The following KCNN2 variants were observed in gnomAD, a reference collection of about 807,000 sequenced individuals.
KCNN2 encodes the protein potassium calcium-activated channel subfamily N member 2.
Under a neutral mutation model 55.5 loss-of-function variants are expected in KCNN2, and 24 were observed. That is an observed-to-expected ratio of 0.43 (90% CI 0.31 to 0.61). The LOEUF (loss-of-function observed/expected upper bound fraction) is 0.61. Among genes scored for constraint, KCNN2 ranks in the 20% least tolerant of loss-of-function variants. The pLI is 0.08. For missense variants in KCNN2, 754 were observed against 853.6 expected, an observed-to-expected ratio of 0.88 and a Z score of 1.45; for synonymous variants, 431 against 336.1, an observed-to-expected ratio of 1.28 and a Z score of -3.09.
intron 1 of KCNN2, among the ~76,000 whole-genome samples, chr5:114,140,615 C>T (rs767309840): frequency 9.2e-5 from 14 of 151,882 alleles, no homozygotes; most frequent in Middle Eastern, 6.8e-3. Flanking sequence ...AAATCAAATT[C>T]TGTAAATTGA....
intron 1 of KCNN2, among the ~76,000 whole-genome samples, chr5:114,153,627 T>C (rs1024849700): frequency 4.6e-5 from 7 of 152,210 alleles, no homozygotes; most frequent in African/African-American, 1.7e-4. Context: ...AGGAGAAGCT[T>C]GAGCTTAGCA....
At chr5:114,303,884 C>G (rs1368634018) in intron 2 of KCNN2, among the ~76,000 whole-genome samples, 1 of 152,124 alleles carries the variant, frequency 6.6e-6, no homozygotes, top group Non-Finnish European at 1.5e-5. Context: ...TGATATATTT[C>G]TGACATATAG....
intron 4 of KCNN2, among the ~76,000 whole-genome samples, chr5:114,470,664 C>G (rs976278262): frequency 2.6e-5 from 4 of 152,158 alleles, no homozygotes; most frequent in Admixed American, 6.6e-5. Context: ...GCATATGGCA[C>G]AAAATATCAA....
At chr5:114,392,807 T>A (rs1029388343) in intron 2 of KCNN2, among the ~76,000 whole-genome samples, 15 of 67,560 alleles carry the variant, frequency 2.2e-4, no homozygotes, top group Non-Finnish European at 5.5e-4. Context: ...TTTTGTGGGG[T>A]TTTTTTTTTT....
intron 4 of KCNN2, among the ~76,000 whole-genome samples, chr5:114,464,543 C>T (rs1399203912): frequency 6.6e-6 from 1 of 152,090 alleles, no homozygotes; most frequent in Non-Finnish European, 1.5e-5. Flanking sequence ...CAGAAGCTGC[C>T]TGGGAAGACT....
At chr5:114,339,840 A>AATAC (rs1202106285) in intron 2 of KCNN2, among the ~76,000 whole-genome samples, 1 of 151,886 alleles carries the variant, frequency 6.6e-6, no homozygotes, top group Non-Finnish European at 1.5e-5. Flanking sequence ...TAAATAAATA[A>AATAC]ATAAATAAAA....
At chr5:114,220,825 CA>C (rs11311434) in intron 1 of KCNN2, among the ~76,000 whole-genome samples, 29,419 of 91,824 alleles carry the variant, frequency 0.32, 2,080 homozygotes, top group East Asian at 0.46. Context: ...GACTCCATCT[CA>C]AAAAAAAAAA....
intron 3 of KCNN2, among the ~76,000 whole-genome samples, chr5:114,416,596 T>C (rs1759314293): frequency 6.6e-6 from 1 of 152,182 alleles, no homozygotes; most frequent in African/African-American, 2.4e-5. Context: ...ATATTCTCAG[T>C]GCCACAGGAG....
intron 3 of KCNN2, among the ~76,000 whole-genome samples, chr5:114,455,996 G>C (rs1457778323): frequency 1.3e-5 from 2 of 152,216 alleles, no homozygotes; most frequent in Non-Finnish European, 2.9e-5. Flanking sequence ...AGCAGGAAGT[G>C]CTGATGTGGC....
chr5:114,469,637 G>A (rs769146451), intron 4 of KCNN2, among the ~76,000 whole-genome samples: 5 of 152,108 alleles, frequency 3.3e-5, no homozygotes, highest in East Asian at 1.9e-4. Flanking sequence ...TTGTAAAATC[G>A]TACTTATTTC....
At chr5:114,311,190 C>T (rs1362529207) in intron 2 of KCNN2, among the ~76,000 whole-genome samples, 2 of 152,018 alleles carry the variant, frequency 1.3e-5, no homozygotes, top group Non-Finnish European at 2.9e-5. Context: ...TAAATTTCCT[C>T]CTAAAAAGAT....
intron 2 of KCNN2, among the ~76,000 whole-genome samples, chr5:114,403,141 T>C (rs968104151): frequency 6.6e-6 from 1 of 152,148 alleles, no homozygotes; most frequent in Non-Finnish European, 1.5e-5. Context: ...TGTATTGTTG[T>C]CCAAAACATT....
intron 1 of KCNN2, among the ~76,000 whole-genome samples, chr5:114,124,389 G>A (rs1289194209): frequency 6.6e-6 from 1 of 152,166 alleles, no homozygotes; most frequent in Admixed American, 6.5e-5. Context: ...AGTTCACTGT[G>A]GGCGGTGAGG....
At chr5:114,309,817 G>C (rs978975669) in intron 2 of KCNN2, among the ~76,000 whole-genome samples, 4 of 152,036 alleles carry the variant, frequency 2.6e-5, no homozygotes, top group African/African-American at 9.7e-5. Context: ...AATATGAACA[G>C]GTACAGGTGT....
At chr5:114,230,238 C>A (rs552684254) in intron 2 of KCNN2, among the ~76,000 whole-genome samples, 19 of 149,324 alleles carry the variant, frequency 1.3e-4, no homozygotes, top group Non-Finnish European at 2.7e-4. Flanking sequence ...GAGATACTGA[C>A]AATGATAGAC....
At chr5:114,125,580 T>A (rs993180295) in intron 1 of KCNN2, among the ~76,000 whole-genome samples, 1 of 152,162 alleles carries the variant, frequency 6.6e-6, no homozygotes, top group African/African-American at 2.4e-5. Context: ...AAGTCCAAGA[T>A]CAAGGCGTCC....
intron 2 of KCNN2, among the ~76,000 whole-genome samples, chr5:114,376,876 C>T (rs1043248019): frequency 1.3e-5 from 2 of 151,920 alleles, no homozygotes; most frequent in Non-Finnish European, 1.5e-5. Flanking sequence ...TGAAGGAAGC[C>T]GGGAATTGGA....
intron 5 of KCNN2, among the ~76,000 whole-genome samples, chr5:114,485,410 C>G (rs1341826444): frequency 6.6e-6 from 1 of 152,170 alleles, no homozygotes; most frequent in Non-Finnish European, 1.5e-5. Context: ...TCACTTCCCA[C>G]TCCTCTCTCC....
intron 1 of KCNN2, among the ~76,000 whole-genome samples, chr5:114,127,451 C>T (rs1470283439): frequency 6.6e-6 from 1 of 152,212 alleles, no homozygotes; most frequent in Non-Finnish European, 1.5e-5. Context: ...CGAGCTGCAC[C>T]TTGGCGTCTT....
Sources: allele counts gnomAD v4.1 joint callset (sites outside exome capture counted in the v4.1 genomes callset), GRCh38; gene constraint gnomAD v4.1.1; transcripts MANE v1.5; gene names NCBI Gene and HGNC (gene_info 2026-07-23, HGNC 2026-07-21).